CRY1: variants seen among roughly 807,000 people sequenced by gnomAD.
CRY1 encodes cryptochrome-1.
Under a neutral mutation model 76.0 loss-of-function variants are expected in CRY1, and 45 were observed. That is an observed-to-expected ratio of 0.59 (90% CI 0.47 to 0.76). The LOEUF (loss-of-function observed/expected upper bound fraction) is 0.76, where lower values mean the gene tolerates loss of function less well. Among genes scored for constraint, CRY1 ranks in the 30% least tolerant of loss-of-function variants. The pLI, the probability that CRY1 is intolerant of heterozygous loss-of-function variation, is 0.00. For synonymous variants in CRY1, 248 were observed against 244.0 expected (o/e 1.02, Z -0.15); for missense variants, 587 against 716.4 (o/e 0.82, Z 2.06).
intron 1 of CRY1, among the ~76,000 whole-genome samples, chr12:107,030,262 T>C (rs1335675601): frequency 6.6e-6 from 1 of 152,220 alleles, no homozygotes; most frequent in Non-Finnish European, 1.5e-5. Context: ...ACATATATTA[T>C]ATTCCCAACA....
At chr12:107,047,655 C>T (rs1347308040) in intron 1 of CRY1, among the ~76,000 whole-genome samples, 1 of 152,146 alleles carries the variant, frequency 6.6e-6, no homozygotes, top group African/African-American at 2.4e-5. Context: ...GAGTTTGCTT[C>T]CCCTTCTGCC....
chr12:107,024,013 C>G (rs528378698), intron 1 of CRY1, among the ~76,000 whole-genome samples: 1 of 152,186 alleles, frequency 6.6e-6, no homozygotes, highest in Admixed American at 6.5e-5. Context: ...CTAGACAGAA[C>G]AAAGATCGAA....
intron 1 of CRY1, among the ~76,000 whole-genome samples, chr12:107,061,995 C>T (rs1953052562): frequency 7.2e-6 from 1 of 138,290 alleles, no homozygotes; most frequent in South Asian, 2.3e-4. Flanking sequence ...CACTGCACTC[C>T]AGCCTGGACA....
intron 1 of CRY1, among the ~76,000 whole-genome samples, chr12:107,045,208 AATGGGATG>A (rs1952836277): frequency 6.6e-6 from 1 of 152,218 alleles, no homozygotes; most frequent in South Asian, 2.1e-4. Flanking sequence ...GCCAGGAGAA[AATGGGATG>A]ATCTATTCAA....
chr12:106,994,059 A>AAAAC (rs142582299), intron 10 of CRY1, among the ~76,000 whole-genome samples: 1 of 152,044 alleles, frequency 6.6e-6, no homozygotes, highest in Non-Finnish European at 1.5e-5. Context: ...AAAACAAACA[A>AAAAC]AAACAAACAA....
rs565096581 is a variant in CRY1, at chr12:107,031,115, A to AAAC, written c.159-8926_159-8924dup. 3.4e-3 allele frequency among the ~76,000 whole-genome samples: 511 copies of AAAC among 152,248 alleles called. 3 individuals are homozygous for AAAC. Among genetic ancestry groups the AAAC allele is most frequent in the African/African-American group, 0.011 (463 of 41,546 alleles). On this transcript the variant is annotated intron_variant, in intron 1 of 12. Transcript: ENST00000008527. ...TAACAGAAATAACTAACAAACTGAG[A>AAAC]AACAACAACAACAACAGAAAAGTTC...
At chr12:107,028,474 C>T (rs937680985) in intron 1 of CRY1, among the ~76,000 whole-genome samples, 2 of 152,112 alleles carry the variant, frequency 1.3e-5, no homozygotes, top group Non-Finnish European at 2.9e-5. Flanking sequence ...ACCTATATCA[C>T]TTTTTATAAC....
At chr12:107,018,164 T>C (rs1405778398) in intron 2 of CRY1, among the ~76,000 whole-genome samples, 1 of 152,224 alleles carries the variant, frequency 6.6e-6, no homozygotes, top group Non-Finnish European at 1.5e-5. Context: ...AAAAGCATAA[T>C]ATAAATTTTA....
chr12:107,008,911 T>C (rs1952405055), intron 2 of CRY1, among the ~76,000 whole-genome samples: 2 of 152,308 alleles, frequency 1.3e-5, no homozygotes, highest in Non-Finnish European at 2.9e-5. Context: ...TGCTCCTCCA[T>C]CTTCCACTAG....
chr12:107,016,973 G>GTCA (rs1209399351), intron 2 of CRY1, among the ~76,000 whole-genome samples: 1 of 152,100 alleles, frequency 6.6e-6, no homozygotes, highest in Non-Finnish European at 1.5e-5. Flanking sequence ...CCTGGTCCTG[G>GTCA]TCATCATCAT....
At chr12:107,026,294 C>T (rs551733168) in intron 1 of CRY1, among the ~76,000 whole-genome samples, 1 of 150,566 alleles carries the variant, frequency 6.6e-6, no homozygotes, top group Admixed American at 6.7e-5. Flanking sequence ...TGCAGTGGCA[C>T]GATCTCAGCT....
At chr12:107,061,540 C>T (rs1035902497) in intron 1 of CRY1, among the ~76,000 whole-genome samples, 10 of 151,840 alleles carry the variant, frequency 6.6e-5, no homozygotes, top group Admixed American at 1.3e-4. Context: ...CCACCACGCC[C>T]GGCTAATTTT....
chr12:107,028,975 G>A (rs1952646789), intron 1 of CRY1, among the ~76,000 whole-genome samples: 1 of 152,178 alleles, frequency 6.6e-6, no homozygotes, highest in Non-Finnish European at 1.5e-5. Flanking sequence ...AAAGATTTAG[G>A]CTCTAGGTTC....
At chr12:107,058,575 C>A (rs1392214423) in intron 1 of CRY1, among the ~76,000 whole-genome samples, 1 of 152,178 alleles carries the variant, frequency 6.6e-6, no homozygotes, top group Non-Finnish European at 1.5e-5. Flanking sequence ...TTTAGAAGTA[C>A]TTAGAAAACA....
At chr12:107,059,991 T>C (rs1953028551) in intron 1 of CRY1, among the ~76,000 whole-genome samples, 1 of 152,220 alleles carries the variant, frequency 6.6e-6, no homozygotes, top group Non-Finnish European at 1.5e-5. Flanking sequence ...AGATCAAAGG[T>C]AATCTGAGAT....
intron 2 of CRY1, among the ~76,000 whole-genome samples, chr12:107,016,338 AAAAG>A (rs1317200780): frequency 6.6e-6 from 1 of 152,140 alleles, no homozygotes; most frequent in African/African-American, 2.4e-5. Flanking sequence ...AAAACAAAAC[AAAAG>A]AAAGAAATAG....
intron 2 of CRY1, among the ~76,000 whole-genome samples, chr12:107,013,750 A>G (rs1000350200): frequency 1.3e-5 from 2 of 152,222 alleles, no homozygotes; most frequent in African/African-American, 2.4e-5. Flanking sequence ...CTGGAAGTAT[A>G]AAATACATAC....
intron 1 of CRY1, among the ~76,000 whole-genome samples, chr12:107,048,685 T>C (rs1485101540): frequency 2.0e-5 from 3 of 152,230 alleles, no homozygotes; most frequent in Non-Finnish European, 4.4e-5. Context: ...TCTCCTCAGC[T>C]ATATCTAATC....
chr12:107,004,697 A>AACAAGC (rs1952350174), intron 3 of CRY1, among the ~76,000 whole-genome samples: 1 of 152,240 alleles, frequency 6.6e-6, no homozygotes, highest in Non-Finnish European at 1.5e-5. Context: ...ATATACATGA[A>AACAAGC]ATAAGATAAC....
Sources: allele counts gnomAD v4.1 joint callset (sites outside exome capture counted in the v4.1 genomes callset), GRCh38; gene constraint gnomAD v4.1.1; transcripts MANE v1.5; gene names NCBI Gene and HGNC (gene_info 2026-07-23, HGNC 2026-07-21).